AFF1: variants seen among roughly 807,000 people sequenced by gnomAD.
The protein encoded by AFF1 is ALF transcription elongation factor 1.
A neutral mutation model predicts 121.7 loss-of-function variants in AFF1; 48 were observed. The ratio of observed to expected loss-of-function variants is 0.39; its 90% confidence interval spans 0.31 to 0.50. The LOEUF (loss-of-function observed/expected upper bound fraction) is 0.50. AFF1 is among the 20% of genes least tolerant of loss of function. The pLI, the probability that AFF1 is intolerant of heterozygous loss-of-function variation, is 0.76. For missense variants in AFF1, 1,523 were observed against 1,511.7 expected, an observed-to-expected ratio of 1.01 and a Z score of -0.12; for synonymous variants, 613 against 563.0, an observed-to-expected ratio of 1.09 and a Z score of -1.26.
intron 2 of AFF1, among the ~76,000 whole-genome samples, chr4:86,975,014 A>G (rs1004150883): frequency 1.3e-5 from 2 of 152,104 alleles, no homozygotes; most frequent in African/African-American, 4.8e-5. Flanking sequence ...TCCCTAATAG[A>G]TCATTATGCT....
At chr4:86,985,687 TAAAC>T (rs1296391679) in intron 2 of AFF1, among the ~76,000 whole-genome samples, 3 of 151,572 alleles carry the variant, frequency 2.0e-5, no homozygotes, top group Admixed American at 2.0e-4. Flanking sequence ...AGTAAATAAA[TAAAC>T]AAAAATTAAA....
intron 4 of AFF1, among the ~76,000 whole-genome samples, chr4:87,052,086 G>C (rs1030330825): frequency 6.6e-6 from 1 of 152,016 alleles, no homozygotes; most frequent in Non-Finnish European, 1.5e-5. Flanking sequence ...GCTCAGAGAC[G>C]TATTTCATTT....
At chr4:87,084,049 C>T in intron 4 of AFF1, 71 bp from the exon 5 acceptor site, 3 of 1,364,530 alleles carry the variant, frequency 2.2e-6, no homozygotes, top group Admixed American at 3.4e-5. Flanking sequence ...TGCATTAATA[C>T]AGTCATCCAC....
At position 86,964,892 on chromosome 4, in the gene AFF1, C is replaced by T. The variant is rs186141366; in HGVS notation, c.38+16321C>T. Among the ~76,000 whole-genome samples, 161 of 151,942 alleles carry T rather than the reference C, an allele frequency of 1.1e-3. 1 individual carries two copies. The highest frequency in any genetic ancestry group is 6.8e-3 in the Middle Eastern group (2 of 294). On this transcript the variant is annotated intron_variant, in intron 2 of 20. Transcript: ENST00000395146. The stretch of plus-strand genomic sequence containing the variant: ...CTCCATCTCATATATCCGTCTGAGT[C>T]GTAAACATCTTTTATACCAAAGACC...
At chr4:87,034,610 A>G (rs970846561) in intron 2 of AFF1, among the ~76,000 whole-genome samples, 5 of 152,214 alleles carry the variant, frequency 3.3e-5, no homozygotes, top group African/African-American at 1.2e-4. Flanking sequence ...CTTTTACTGT[A>G]GAGCACTTGG....
chr4:87,077,768 A>G lies in AFF1; in HGVS notation c.1060-6352A>G, dbSNP rs1364098349. Among the ~76,000 whole-genome samples, 5 of 152,134 alleles carry G rather than the reference A, an allele frequency of 3.3e-5. 1 individual carries two copies. The East Asian group carries it at 9.6e-4, about 29-fold the overall frequency. Reference sequence around the variant, plus strand: ...TTTTAAAAATTTATTCTTCTAAACAATGTATCTTGGAGATTACCCCAAATC... The same window carrying G: ...TTTTAAAAATTTATTCTTCTAAACAGTGTATCTTGGAGATTACCCCAAATC... On this transcript the variant is annotated intron_variant, in intron 4 of 20. Transcript: ENST00000395146.
chr4:87,123,022 T>G (rs1727869343), intron 12 of AFF1, among the ~76,000 whole-genome samples: 1 of 151,702 alleles, frequency 6.6e-6, no homozygotes, highest in Admixed American at 6.6e-5. Context: ...GCTTCCTGAG[T>G]AGCTGGGACT....
chr4:87,020,919 T>C lies in AFF1; in HGVS notation c.39-25247T>C, dbSNP rs371762063. On this transcript the variant is annotated intron_variant, in intron 2 of 20. Transcript: ENST00000395146. ...ATAGGTGATATTTCTTAAAAAGATGTGTATCTTTTAATATATTCTGCATGC... is the reference window on the plus strand; with the variant it reads ...ATAGGTGATATTTCTTAAAAAGATGCGTATCTTTTAATATATTCTGCATGC... The C allele has an allele frequency of 1.6e-4, 128 of 811,926 alleles. No homozygotes were observed. In the African/African-American group the frequency reaches 2.1e-3, roughly 14 times the overall value. 50.3% of individuals were successfully genotyped at this position (811,926 alleles called of 1,614,324 possible). A position where few individuals can be genotyped will look rare whatever the true frequency, so the allele number is the denominator to read the frequency against.
intron 2 of AFF1, among the ~76,000 whole-genome samples, chr4:86,962,328 G>A (rs539952173): frequency 6.6e-6 from 1 of 152,172 alleles, no homozygotes; most frequent in African/African-American, 2.4e-5. Context: ...GTATCCCCAT[G>A]AGACAGGTAA....
chr4:87,038,969 A>G (rs533915318), intron 2 of AFF1, among the ~76,000 whole-genome samples: 2 of 152,184 alleles, frequency 1.3e-5, no homozygotes, highest in African/African-American at 4.8e-5. Context: ...TCAGCTGTGC[A>G]CAGCCAGCCC....
chr4:86,991,807 C>T (rs528014134), intron 2 of AFF1, among the ~76,000 whole-genome samples: 2 of 146,334 alleles, frequency 1.4e-5, no homozygotes, highest in Admixed American at 6.9e-5. Flanking sequence ...TCCAACAGGA[C>T]TGGGTTTTCA....
At chr4:86,978,591 G>A (rs1723493154) in intron 2 of AFF1, among the ~76,000 whole-genome samples, 1 of 152,112 alleles carries the variant, frequency 6.6e-6, no homozygotes, top group Non-Finnish European at 1.5e-5. Context: ...TGCCCAAGCT[G>A]GAGTGCAGTG....
At chr4:87,001,301 C>T (rs1280730932) in intron 2 of AFF1, among the ~76,000 whole-genome samples, 2 of 143,806 alleles carry the variant, frequency 1.4e-5, no homozygotes, top group Admixed American at 1.5e-4. Flanking sequence ...ACTGCAACCT[C>T]CCCCTCCCAG....
At chr4:87,127,142 T>C (rs1197467810) in intron 15 of AFF1, 25 bp downstream of exon 15, 1 of 1,558,986 alleles carries the variant, frequency 6.4e-7, no homozygotes, top group East Asian at 2.3e-5. Flanking sequence ...GATTTCTTCT[T>C]GCTCTGTTTT....
intron 15 of AFF1, 88 bp downstream of exon 15, chr4:87,127,205 G>A: frequency 8.4e-7 from 1 of 1,187,326 alleles, no homozygotes; most frequent in Non-Finnish European, 1.2e-6. Context: ...CTGTCACCCA[G>A]GCTGGAGTGT....
In AFF1 at chr4:87,129,986, T is replaced by C. The variant is rs887663071; in HGVS notation, c.2965-1097T>C. On this transcript the variant is annotated intron_variant, in intron 16 of 20. Coordinates refer to ENST00000395146, the MANE Select transcript of AFF1 (RefSeq NM_001166693.3). ...TCTTTCTTTTTTTCTTTTTCTTTTT[T>C]TTTTTTGAGCCAGAGTCTTGCTCTG... is the stretch of plus-strand genomic sequence containing the variant. Among the ~76,000 whole-genome samples the C allele has an allele frequency of 2.0e-5, 3 of 151,774 alleles. No homozygotes were observed. In the South Asian group the frequency reaches 6.2e-4, roughly 32 times the overall value.
At chr4:87,072,224 C>A (rs1018923755) in intron 4 of AFF1, among the ~76,000 whole-genome samples, 2 of 151,618 alleles carry the variant, frequency 1.3e-5, no homozygotes, top group Non-Finnish European at 2.9e-5. Flanking sequence ...TTAGCTGGGC[C>A]TGGTGGCGGG....
At chr4:87,085,419 G>A (rs1457088602) in intron 5 of AFF1, among the ~76,000 whole-genome samples, 1 of 151,170 alleles carries the variant, frequency 6.6e-6, no homozygotes. Flanking sequence ...TTTTACTGTA[G>A]GGTTTCTGAC....
intron 2 of AFF1, among the ~76,000 whole-genome samples, chr4:87,043,301 G>A (rs892305540): frequency 7.9e-5 from 12 of 152,152 alleles, no homozygotes; most frequent in South Asian, 2.1e-4. Flanking sequence ...TTCCCCACCC[G>A]CTCACCCATA....
Sources: gnomAD v4.1 joint callset for allele counts (sites outside exome capture counted in the v4.1 genomes callset) on GRCh38, gnomAD v4.1.1 for gene constraint, MANE v1.5 for transcripts, NCBI Gene and HGNC (gene_info 2026-07-23, HGNC 2026-07-21) for gene names.